Variants in SNTG2 observed in about 807,000 individuals in gnomAD.
The protein encoded by SNTG2 is gamma-2-syntrophin.
In SNTG2, 74 loss-of-function variants were observed where a neutral mutation model predicts 70.9. The observed-to-expected ratio is 1.04, with a 90% CI of 0.86 to 1.27. The LOEUF (loss-of-function observed/expected upper bound fraction) is 1.27. SNTG2 is among the 50% of genes most tolerant of loss of function. SNTG2 has a pLI of 0.00. For synonymous variants in SNTG2, 278 were observed against 273.8 expected, an observed-to-expected ratio of 1.02 and a Z score of -0.15; for missense variants, 717 against 690.7, an observed-to-expected ratio of 1.04 and a Z score of -0.43.
At chr2:1,048,514 T>C (rs1361781004) in intron 1 of SNTG2, among the ~76,000 whole-genome samples, 1 of 152,218 alleles carries the variant, frequency 6.6e-6, no homozygotes, top group Non-Finnish European at 1.5e-5. Flanking sequence ...ACACTTTGCT[T>C]GTAGTTGCAC....
At chr2:1,090,705 G>A (rs961332946) in intron 2 of SNTG2, among the ~76,000 whole-genome samples, 2 of 152,136 alleles carry the variant, frequency 1.3e-5, no homozygotes, top group African/African-American at 2.4e-5. Flanking sequence ...CTGTCTGCAT[G>A]TACAGGGCCG....
intron 1 of SNTG2, among the ~76,000 whole-genome samples, chr2:1,043,169 T>C (rs1413883062): frequency 6.6e-6 from 1 of 152,182 alleles, no homozygotes; most frequent in Non-Finnish European, 1.5e-5. Flanking sequence ...TATACGTCTT[T>C]TTTTGAGAAG....
chr2:1,130,562 C>G (rs1217372661), intron 4 of SNTG2, among the ~76,000 whole-genome samples: 1 of 152,216 alleles, frequency 6.6e-6, no homozygotes, highest in African/African-American at 2.4e-5. Flanking sequence ...GGAACTCCAT[C>G]TAGATGGCTT....
Position 964,863 on chromosome 2 carries a change from G to T in SNTG2, c.72+13795G>T, listed in dbSNP as rs1040979688. ...GTTCTGAGAAGAGCTCCTCTTGGGT[G>T]GGGTTTCTCCACCAAGGAACTTGGA... On this transcript the variant is annotated intron_variant, in intron 1 of 16. Coordinates refer to ENST00000308624, the MANE Select transcript of SNTG2 (RefSeq NM_018968.4). Among the ~76,000 whole-genome samples the T allele has an allele frequency of 2.0e-5, 3 of 152,248 alleles. No homozygotes were observed. The South Asian group carries it at 6.2e-4, about 32-fold the overall frequency.
At chr2:1,359,957 A>G (rs1661050283) in intron 16 of SNTG2, among the ~76,000 whole-genome samples, 1 of 152,218 alleles carries the variant, frequency 6.6e-6, no homozygotes, top group African/African-American at 2.4e-5. Flanking sequence ...CAAGCAAACA[A>G]AGAAACTAAA....
intron 4 of SNTG2, among the ~76,000 whole-genome samples, chr2:1,116,977 G>C (rs1233096104): frequency 6.8e-6 from 1 of 146,502 alleles, no homozygotes; most frequent in Non-Finnish European, 1.5e-5. Flanking sequence ...GGGTGCTCTG[G>C]CATGTGGGTG....
intron 9 of SNTG2, among the ~76,000 whole-genome samples, chr2:1,211,058 A>AAT (rs1474406599): frequency 6.6e-6 from 1 of 152,238 alleles, no homozygotes; most frequent in Non-Finnish European, 1.5e-5. Context: ...GAGGGGCTGA[A>AAT]ATATAGATAG....
chr2:1,031,508 T>TTATATATATA (rs1316440220), intron 1 of SNTG2, among the ~76,000 whole-genome samples: 1 of 57,752 alleles, frequency 1.7e-5, no homozygotes, highest in African/African-American at 9.1e-5. Flanking sequence ...TAGTTCATTG[T>TTATATATATA]TATATATATA....
chr2:1,193,453 A>G (rs1377669709), intron 8 of SNTG2, among the ~76,000 whole-genome samples: 2 of 152,124 alleles, frequency 1.3e-5, no homozygotes, highest in Non-Finnish European at 2.9e-5. Flanking sequence ...TCCCTTGTCT[A>G]TTTATTTTTC....
intron 9 of SNTG2, among the ~76,000 whole-genome samples, chr2:1,230,697 G>A (rs1254756085): frequency 1.3e-5 from 2 of 152,222 alleles, no homozygotes; most frequent in Non-Finnish European, 2.9e-5. Flanking sequence ...TGCCCTGGTC[G>A]ACAGCGTGGG....
intron 7 of SNTG2, among the ~76,000 whole-genome samples, chr2:1,166,600 AG>A (rs1254146168): frequency 2.6e-5 from 4 of 152,184 alleles, no homozygotes; most frequent in South Asian, 2.1e-4. Context: ...CTGATACAGG[AG>A]GGGGGCAGGG....
chr2:1,037,217 C>T (rs186360348), intron 1 of SNTG2, among the ~76,000 whole-genome samples: 2 of 152,332 alleles, frequency 1.3e-5, no homozygotes, highest in East Asian at 3.9e-4. Context: ...CAAAACCTGA[C>T]CCAGAGCCAG....
At chr2:976,675 A>G (rs61246823) in intron 1 of SNTG2, among the ~76,000 whole-genome samples, 12,458 of 152,236 alleles carry the variant, frequency 0.082, 614 homozygotes, top group East Asian at 0.26. Flanking sequence ...AGTGTTGTTC[A>G]GTAATGTCAT....
intron 9 of SNTG2, among the ~76,000 whole-genome samples, chr2:1,234,441 T>C (rs1474746727): frequency 2.0e-5 from 3 of 152,232 alleles, no homozygotes; most frequent in African/African-American, 7.2e-5. Context: ...TAATAATGTT[T>C]ATATGGTACT....
chr2:1,152,760 A>T (rs752607293), intron 6 of SNTG2, among the ~76,000 whole-genome samples: 1 of 152,174 alleles, frequency 6.6e-6, no homozygotes, highest in Non-Finnish European at 1.5e-5. Flanking sequence ...TAAGGACCCA[A>T]CTTACATTAT....
chr2:1,265,020 G>A (rs561435963), intron 13 of SNTG2, among the ~76,000 whole-genome samples: 8 of 152,360 alleles, frequency 5.3e-5, no homozygotes, highest in African/African-American at 1.9e-4. Context: ...CTTCAACTGC[G>A]TGAGAGTTGG....
intron 14 of SNTG2, among the ~76,000 whole-genome samples, chr2:1,292,394 T>A (rs1680030510): frequency 6.6e-6 from 1 of 152,172 alleles, no homozygotes; most frequent in Admixed American, 6.5e-5. Flanking sequence ...TGGAATATAA[T>A]TGGCAGCAGT....
chr2:1,098,148 T>C, intron 2 of SNTG2, 48 bp from the exon 3 acceptor site: 1 of 1,576,316 alleles, frequency 6.3e-7, no homozygotes, highest in Non-Finnish European at 8.7e-7. Flanking sequence ...CACTTTCTGA[T>C]AGTGCATTTT....
At chr2:1,071,999 G>T (rs1410941000) in intron 1 of SNTG2, among the ~76,000 whole-genome samples, 2 of 152,182 alleles carry the variant, frequency 1.3e-5, no homozygotes, top group African/African-American at 4.8e-5. Context: ...GCTAGCGGAG[G>T]TGGGTTTATG....
Sources: gnomAD v4.1 joint callset for allele counts (sites outside exome capture counted in the v4.1 genomes callset) on GRCh38, gnomAD v4.1.1 for gene constraint, MANE v1.5 for transcripts, NCBI Gene and HGNC (gene_info 2026-07-23, HGNC 2026-07-21) for gene names.